The following ADGRL2 variants were observed in gnomAD, a reference collection of about 807,000 sequenced individuals.
The protein encoded by ADGRL2 is adhesion G protein-coupled receptor L2.
ADGRL2 carries 44 observed loss-of-function variants against 157.4 expected under a neutral mutation model. The observed-to-expected ratio is 0.28, with a 90% CI of 0.22 to 0.36. ADGRL2 has a LOEUF of 0.36. Among genes scored for constraint, ADGRL2 ranks in the 10% least tolerant of loss-of-function variants. The probability of loss-of-function intolerance (pLI) is 1.00; values close to 1 mark genes in which losing one functional copy is unlikely to be tolerated. For missense variants in ADGRL2, 1,510 were observed against 1,768.9 expected, an observed-to-expected ratio of 0.85 and a Z score of 2.63; for synonymous variants, 585 against 624.7, an observed-to-expected ratio of 0.94 and a Z score of 0.95.
chr1:81,702,975 A>G (rs1307811433), intron 1 of ADGRL2, among the ~76,000 whole-genome samples: 1 of 152,228 alleles, frequency 6.6e-6, no homozygotes, highest in Admixed American at 6.5e-5. Context: ...CACTCTAGCT[A>G]CAGAGATGAA....
intron 1 of ADGRL2, among the ~76,000 whole-genome samples, chr1:81,832,370 C>G (rs368428011): frequency 1.3e-5 from 2 of 152,160 alleles, no homozygotes; most frequent in East Asian, 3.9e-4. Context: ...GTCTCGAACT[C>G]CTGACCTCGT....
chr1:81,422,916 T>C lies in ADGRL2; in HGVS notation c.-301-22120T>C, dbSNP rs550775639. ...TATTTCAAATCTATGCTGTGTTGTG[T>C]TTCGTGTTTCCTACAGCCTCCACAC... is the stretch of plus-strand genomic sequence containing the variant. On this transcript the variant is annotated intron_variant, in intron 1 of 24. Coordinates refer to the ADGRL2 transcript ENST00000370721. Among the ~76,000 whole-genome samples the C allele has an allele frequency of 3.9e-5, 6 of 152,328 alleles. No homozygotes were observed. In the East Asian group the frequency reaches 1.2e-3, roughly 29 times the overall value.
chr1:81,866,204 T>C (rs953512754), intron 2 of ADGRL2, among the ~76,000 whole-genome samples: 2 of 152,190 alleles, frequency 1.3e-5, no homozygotes, highest in Admixed American at 1.3e-4. Flanking sequence ...AGGCTTGTCA[T>C]ATCACTGACT....
chr1:81,543,009 T>C (rs2079922760), intron 2 of ADGRL2, among the ~76,000 whole-genome samples: 1 of 116,914 alleles, frequency 8.6e-6, no homozygotes, highest in South Asian at 3.0e-4. Context: ...TTTATCTTGC[T>C]TTTTTTTTTT....
chr1:81,548,129 A>G (rs2080062539), intron 2 of ADGRL2, among the ~76,000 whole-genome samples: 1 of 152,188 alleles, frequency 6.6e-6, no homozygotes, highest in Admixed American at 6.5e-5. Flanking sequence ...AATATAATTT[A>G]TGTCCCAATC....
At chr1:81,809,406 T>A (rs1412542750) in intron 1 of ADGRL2, among the ~76,000 whole-genome samples, 1 of 151,998 alleles carries the variant, frequency 6.6e-6, no homozygotes. Context: ...TTATATATAT[T>A]TTTAAATCTG....
chr1:81,350,376 A>G (rs1006632623), intron 1 of ADGRL2, among the ~76,000 whole-genome samples: 1 of 152,226 alleles, frequency 6.6e-6, no homozygotes, highest in Non-Finnish European at 1.5e-5. Flanking sequence ...TGACACAATG[A>G]ACATTTGTAA....
intron 3 of ADGRL2, among the ~76,000 whole-genome samples, chr1:81,935,527 C>T (rs1181529300): frequency 6.6e-6 from 1 of 151,878 alleles, no homozygotes; most frequent in African/African-American, 2.4e-5. Context: ...TAACATGATT[C>T]ACCTTCTACT....
intron 1 of ADGRL2, among the ~76,000 whole-genome samples, chr1:81,356,971 A>AAAAAAAAAAG (rs80327519): frequency 0.044 from 4,342 of 98,458 alleles, 430 homozygotes; most frequent in East Asian, 0.23. Flanking sequence ...AAAAAAAAAA[A>AAAAAAAAAAG]AAGAAGTTGT....
intron 3 of ADGRL2, among the ~76,000 whole-genome samples, chr1:81,658,672 ACTTT>A (rs2082587083): frequency 2.0e-5 from 3 of 152,192 alleles, no homozygotes; most frequent in South Asian, 4.1e-4. Context: ...GCAGTATTTG[ACTTT>A]CTATTTCTGA....
chr1:81,309,926 C>T (rs1659626337), intron 1 of ADGRL2, among the ~76,000 whole-genome samples: 1 of 152,136 alleles, frequency 6.6e-6, no homozygotes, highest in Non-Finnish European at 1.5e-5. Context: ...TTCCTAGCAA[C>T]TCCATTGAAG....
At chr1:81,643,587 G>A (rs2082261497) in intron 3 of ADGRL2, among the ~76,000 whole-genome samples, 1 of 152,084 alleles carries the variant, frequency 6.6e-6, no homozygotes, top group Non-Finnish European at 1.5e-5. Flanking sequence ...GGGATTATAA[G>A]CGTAAGCCAC....
chr1:81,623,777 C>G (rs1157391991), intron 3 of ADGRL2, among the ~76,000 whole-genome samples: 1 of 151,574 alleles, frequency 6.6e-6, no homozygotes, highest in African/African-American at 2.4e-5. Flanking sequence ...GCTGGGATTA[C>G]AGGCGTGCGC....
At chr1:81,786,863 T>C (rs1474309706) in intron 2 of ADGRL2, among the ~76,000 whole-genome samples, 1 of 152,182 alleles carries the variant, frequency 6.6e-6, no homozygotes, top group Non-Finnish European at 1.5e-5. Context: ...ATTTGTTTGA[T>C]TGAAAAAGTC....
At chr1:81,916,611 T>C (rs1303000612) in intron 3 of ADGRL2, among the ~76,000 whole-genome samples, 1 of 152,124 alleles carries the variant, frequency 6.6e-6, no homozygotes, top group African/African-American at 2.4e-5. Flanking sequence ...TTTGGAATTG[T>C]TTTTAGTATG....
intron 1 of ADGRL2, among the ~76,000 whole-genome samples, chr1:81,436,456 C>T (rs1206805124): frequency 6.6e-6 from 1 of 151,422 alleles, no homozygotes; most frequent in African/African-American, 2.4e-5. Flanking sequence ...TTTTTTTCCT[C>T]GCTTTTTTGT....
chr1:81,419,400 G>A (rs911766573), intron 1 of ADGRL2, among the ~76,000 whole-genome samples: 1 of 151,974 alleles, frequency 6.6e-6, no homozygotes, highest in Non-Finnish European at 1.5e-5. Flanking sequence ...TGGAAACAGG[G>A]TTTCACCATG....
intron 2 of ADGRL2, among the ~76,000 whole-genome samples, chr1:81,578,328 T>C (rs1182136957): frequency 6.6e-6 from 1 of 152,194 alleles, no homozygotes; most frequent in African/African-American, 2.4e-5. Flanking sequence ...CCATGACTAG[T>C]GATTGGAAAC....
chr1:81,442,223 G>T (rs1306066461), intron 1 of ADGRL2, among the ~76,000 whole-genome samples: 1 of 152,148 alleles, frequency 6.6e-6, no homozygotes, highest in Non-Finnish European at 1.5e-5. Flanking sequence ...AAGAAGTCTG[G>T]CTGTCAGTTG....
Sources: gnomAD v4.1 joint callset for allele counts (sites outside exome capture counted in the v4.1 genomes callset) on GRCh38, gnomAD v4.1.1 for gene constraint, MANE v1.5 for transcripts, NCBI Gene and HGNC (gene_info 2026-07-23, HGNC 2026-07-21) for gene names.